The following KCNJ15 variants were observed in gnomAD, a reference collection of about 807,000 sequenced individuals.
The protein encoded by KCNJ15 is ATP-sensitive inward rectifier potassium channel 15.
KCNJ15 carries 14 observed loss-of-function variants against 23.0 expected under a neutral mutation model. The observed-to-expected ratio is 0.61, with a 90% CI of 0.40 to 0.95. The LOEUF is 0.95. Ranked by LOEUF, KCNJ15 falls within the 40% of genes least tolerant of loss-of-function variation. KCNJ15 has a pLI of 0.00. For synonymous variants in KCNJ15, 185 were observed against 183.2 expected (o/e 1.01, Z -0.08); for missense variants, 388 against 461.8 (o/e 0.84, Z 1.46).
intron 1 of KCNJ15, among the ~76,000 whole-genome samples, chr21:38,270,470 C>A (rs1438112082): frequency 6.6e-6 from 1 of 152,174 alleles, no homozygotes; most frequent in Admixed American, 6.5e-5. Flanking sequence ...TGTGACTTGT[C>A]CAAAGTCACT....
At chr21:38,236,468 T>C (rs1326767581) in intron 1 of KCNJ15, among the ~76,000 whole-genome samples, 1 of 152,226 alleles carries the variant, frequency 6.6e-6, no homozygotes, top group Non-Finnish European at 1.5e-5. Flanking sequence ...TGCTAGTGGC[T>C]GACTTGGTGC....
intron 1 of KCNJ15, among the ~76,000 whole-genome samples, chr21:38,239,985 A>C (rs1978876931): frequency 6.9e-6 from 1 of 144,160 alleles, no homozygotes; most frequent in Non-Finnish European, 1.5e-5. Context: ...GTAAATTTGC[A>C]TATATGAGCT....
At chr21:38,276,171 A>G (rs912647957) in intron 1 of KCNJ15, among the ~76,000 whole-genome samples, 2 of 151,916 alleles carry the variant, frequency 1.3e-5, no homozygotes, top group East Asian at 3.9e-4. Flanking sequence ...TGTATATGTC[A>G]TCTCTTATAT....
rs909593119 is a variant in KCNJ15, at chr21:38,299,090, G to A, written c.-18-154G>A. Among the ~76,000 whole-genome samples the A allele has an allele frequency of 2.6e-5, 4 of 152,128 alleles. No individual in the cohort carries two copies. The highest frequency in any genetic ancestry group is 1.9e-4 in the East Asian group (1 of 5,200). On this transcript the variant is annotated intron_variant, in intron 2 of 2. Transcript: ENST00000398938. This position sits in a 1 kb window ranked among gnomAD's most constrained non-coding sequence, Gnocchi z 4.5. ...CCTCTGCTCCTCACTCTACCCTACC[G>A]ACCACCTAAGTATAGATCAGTTAAT...
intron 1 of KCNJ15, among the ~76,000 whole-genome samples, chr21:38,288,050 T>C (rs1259078343): frequency 9.3e-6 from 1 of 107,022 alleles, no homozygotes; most frequent in Non-Finnish European, 2.0e-5. Context: ...TTTTTTTTTT[T>C]TTTTTTTTGA....
intron 1 of KCNJ15, among the ~76,000 whole-genome samples, chr21:38,266,370 T>C (rs191891680): frequency 6.6e-6 from 1 of 152,316 alleles, no homozygotes; most frequent in African/African-American, 2.4e-5. Flanking sequence ...TTCCCACTTA[T>C]GAATGAGAAT....
At chr21:38,295,563 G>A (rs1417028839) in intron 1 of KCNJ15, among the ~76,000 whole-genome samples, 2 of 151,736 alleles carry the variant, frequency 1.3e-5, no homozygotes, top group Non-Finnish European at 2.9e-5. Context: ...TTTTTAATGG[G>A]AAAAAGGTTA....
upstream of KCNJ15, among the ~76,000 whole-genome samples, chr21:38,256,094 A>G (rs1980203317): frequency 6.6e-6 from 1 of 152,110 alleles, no homozygotes; most frequent in Admixed American, 6.5e-5. Context: ...AGGAGAGCAC[A>G]TGAGCCTTGG....
At chr21:38,232,168 C>G (rs1405278505) in intron 1 of KCNJ15, among the ~76,000 whole-genome samples, 1 of 149,652 alleles carries the variant, frequency 6.7e-6, no homozygotes, top group Non-Finnish European at 1.5e-5. Context: ...TCTATTTCCT[C>G]TTGAGTCAGT....
chr21:38,283,594 T>C (rs999862958), intron 1 of KCNJ15, among the ~76,000 whole-genome samples: 1 of 152,204 alleles, frequency 6.6e-6, no homozygotes, highest in Non-Finnish European at 1.5e-5. Context: ...TCATAATAAA[T>C]ATAGAGAACA....
rs1986053143 is a variant in KCNJ15 at position 38,306,332 on chromosome 21, A to G, written c.*5943A>G. ...TAGATCTACTCAAAATTAGACTCCAAGGGAATTACTATAGTTGATTATAGA... is the reference window on the plus strand; with the variant it reads ...TAGATCTACTCAAAATTAGACTCCAGGGGAATTACTATAGTTGATTATAGA... On this transcript the variant is annotated 3_prime_UTR_variant, in exon 3 of 3. Transcript: ENST00000398938. 6.6e-6 allele frequency: 1 copy of G among 151,534 alleles called. No homozygotes were observed. Among genetic ancestry groups the G allele is most frequent in the Non-Finnish European group, 1.5e-5 (1 of 67,976 alleles). 9.4% of individuals were successfully genotyped at this position (151,534 alleles called of 1,614,324 possible). A position where few individuals can be genotyped will look rare whatever the true frequency, so the allele number is the denominator to read the frequency against.
chr21:38,272,212 G>A (rs1982172255), intron 1 of KCNJ15: 1 of 152,190 alleles, frequency 6.6e-6, no homozygotes, highest in Admixed American at 6.5e-5. Context: ...GAAATCTGGA[G>A]CTATCTCAGA....
At chr21:38,253,869 A>G (rs1289792737), upstream of KCNJ15, among the ~76,000 whole-genome samples, 1 of 152,132 alleles carries the variant, frequency 6.6e-6, no homozygotes, top group Non-Finnish European at 1.5e-5. Flanking sequence ...TTAACTGTGG[A>G]GGTGGGGGTT....
chr21:38,284,722 G>A (rs1183035360), intron 1 of KCNJ15, among the ~76,000 whole-genome samples: 1 of 152,116 alleles, frequency 6.6e-6, no homozygotes, highest in East Asian at 1.9e-4. Flanking sequence ...CCACATGCAG[G>A]GGCATGGCAT....
intron 1 of KCNJ15, among the ~76,000 whole-genome samples, chr21:38,277,118 G>C (rs993097610): frequency 5.3e-5 from 8 of 151,670 alleles, no homozygotes; most frequent in Admixed American, 1.3e-4. Flanking sequence ...AAAGAAACTA[G>C]GTCCTATTTT....
chr21:38,257,625 G>A (rs1043501134), intron 1 of KCNJ15, among the ~76,000 whole-genome samples: 1 of 152,190 alleles, frequency 6.6e-6, no homozygotes. Flanking sequence ...GCGAAACCTC[G>A]CCGGAATATT....
rs144286850 is a variant in KCNJ15 at position 38,280,638 on chromosome 21, T to C, written c.-116-16288T>C. ...TTCCCATAAATGAAGTTTCCAGATATAAGCCAAATGCTTAAACAAAATTGC... is the reference window on the plus strand; with the variant it reads ...TTCCCATAAATGAAGTTTCCAGATACAAGCCAAATGCTTAAACAAAATTGC... On this transcript the variant is annotated intron_variant, in intron 1 of 2. Transcript: ENST00000398938. Among the ~76,000 whole-genome samples, 785 of 152,306 alleles carry C rather than the reference T, an allele frequency of 5.2e-3. 9 individuals carry two copies. The highest frequency in any genetic ancestry group is 0.015 in the African/African-American group (640 of 41,538).
intron 1 of KCNJ15, among the ~76,000 whole-genome samples, chr21:38,248,330 G>A (rs1304111252): frequency 6.6e-6 from 1 of 152,216 alleles, no homozygotes; most frequent in African/African-American, 2.4e-5. Context: ...AAGAAAGTTA[G>A]AAAGTTAACT....
chr21:38,299,156 C>A lies in KCNJ15; in HGVS notation c.-18-88C>A. ...CTCCTTTCTTGTGTACTTCCATGTA[C>A]ATTCATACTTACTTCACATGATGAT... On this transcript the variant is annotated intron_variant, in intron 2 of 2. Transcript: ENST00000398938. This position sits in a 1 kb window ranked among gnomAD's most constrained non-coding sequence, Gnocchi z 4.5. The A allele has an allele frequency of 3.0e-6, 3 of 1,002,670 alleles. No homozygotes were observed. The highest frequency in any genetic ancestry group is 2.4e-5 in the East Asian group (1 of 41,710). 62.1% of individuals were successfully genotyped at this position (1,002,670 alleles called of 1,614,324 possible).
Sources: allele counts gnomAD v4.1 joint callset (sites outside exome capture counted in the v4.1 genomes callset), GRCh38; gene constraint gnomAD v4.1.1; non-coding constraint Gnocchi (gnomAD v3.1); transcripts MANE v1.5; gene names NCBI Gene and HGNC (gene_info 2026-07-23, HGNC 2026-07-21).